PUDP: variants seen among roughly 807,000 people sequenced by gnomAD.
The protein encoded by PUDP is pseudouridine-5'-phosphatase.
In PUDP, 8 loss-of-function variants were observed where a neutral mutation model predicts 9.4. The ratio of observed to expected loss-of-function variants is 0.85; its 90% confidence interval spans 0.50 to 1.53. PUDP has a LOEUF of 1.53. PUDP is among the 40% of genes most tolerant of loss of function. The probability of loss-of-function intolerance (pLI) is 0.00; values close to 1 mark genes in which losing one functional copy is unlikely to be tolerated. For missense variants in PUDP, 188 were observed against 189.7 expected (o/e 0.99, Z 0.05); for synonymous variants, 99 against 80.7 (o/e 1.23, Z -1.22).
intron 3 of PUDP, among the ~76,000 whole-genome samples, chrX:6,749,756 T>G (rs1925043518): frequency 8.9e-6 from 1 of 112,032 alleles, no homozygotes. Flanking sequence ...AAAATCAGTC[T>G]CCTGCAACCT....
chrX:7,104,694 A>T (rs1329926522), intron 2 of PUDP, among the ~76,000 whole-genome samples: 1 of 111,780 alleles, frequency 8.9e-6, no homozygotes, highest in African/African-American at 3.3e-5. Flanking sequence ...GCTCGTACCC[A>T]TGCCTGAGAT....
At chrX:6,787,754 A>G (rs1192216851) in intron 3 of PUDP, among the ~76,000 whole-genome samples, 1 of 112,099 alleles carries the variant, frequency 8.9e-6, no homozygotes, top group East Asian at 2.8e-4. Context: ...TGACTTTTAT[A>G]CTTGAACTTA....
intron 1 of PUDP, among the ~76,000 whole-genome samples, chrX:6,715,046 A>T (rs1924584521): frequency 9.1e-6 from 1 of 110,272 alleles, no homozygotes; most frequent in Admixed American, 9.8e-5. Context: ...ACATCCTTAT[A>T]AATCAAAATG....
intron 1 of PUDP, among the ~76,000 whole-genome samples, chrX:6,982,983 T>C (rs777506484): frequency 1.3e-4 from 15 of 112,118 alleles, no homozygotes; most frequent in African/African-American, 4.9e-4. Context: ...ATCCATACAA[T>C]GGAATATGAT....
intron 3 of PUDP, among the ~76,000 whole-genome samples, chrX:6,945,223 G>A (rs1167706480): frequency 1.8e-5 from 2 of 111,030 alleles, no homozygotes; most frequent in African/African-American, 6.6e-5. Flanking sequence ...ACCCTAGTTC[G>A]GTTTGATGTC....
intron 3 of PUDP, among the ~76,000 whole-genome samples, chrX:6,892,707 T>A (rs770251264): frequency 9.0e-6 from 1 of 111,257 alleles, no homozygotes; most frequent in East Asian, 2.8e-4. Context: ...ATAGGGCCTA[T>A]GAGAAAGTGA....
At chrX:7,133,308 C>G (rs1440084838) in intron 1 of PUDP, among the ~76,000 whole-genome samples, 3 of 111,638 alleles carry the variant, frequency 2.7e-5, no homozygotes, top group Non-Finnish European at 3.8e-5. Context: ...AGAGCAGAAG[C>G]ATGTGCCGAA....
chrX:6,977,041 C>T (rs1390180888), intron 3 of PUDP, among the ~76,000 whole-genome samples: 1 of 112,380 alleles, frequency 8.9e-6, no homozygotes. Flanking sequence ...TCCTAGGCAA[C>T]AGAAAATTGC....
intron 3 of PUDP, among the ~76,000 whole-genome samples, chrX:6,736,060 GA>G (rs1228099027): frequency 9.4e-6 from 1 of 106,002 alleles, no homozygotes; most frequent in Non-Finnish European, 1.9e-5. Context: ...GCAAGAAAAG[GA>G]AAAAAAATCT....
At chrX:6,980,418 G>A (rs777928770) in intron 1 of PUDP, among the ~76,000 whole-genome samples, 1 of 110,771 alleles carries the variant, frequency 9.0e-6, no homozygotes, top group Non-Finnish European at 1.9e-5. Context: ...CTCTGTTGCC[G>A]AGGGTGGTCT....
chrX:6,873,080 C>T (rs1927200175), intron 3 of PUDP, among the ~76,000 whole-genome samples: 1 of 111,739 alleles, frequency 8.9e-6, no homozygotes, highest in Admixed American at 9.5e-5. Flanking sequence ...AGAAATCCCT[C>T]CATGTGCCTC....
intron 3 of PUDP, among the ~76,000 whole-genome samples, chrX:6,885,928 G>A (rs1927415013): frequency 8.9e-6 from 1 of 112,363 alleles, no homozygotes; most frequent in Non-Finnish European, 1.9e-5. Flanking sequence ...AAGAATGTAT[G>A]GAGTGGCTTT....
At chrX:7,083,309 A>T (rs1434131056) in intron 2 of PUDP, among the ~76,000 whole-genome samples, 1 of 112,337 alleles carries the variant, frequency 8.9e-6, no homozygotes, top group African/African-American at 3.2e-5. Flanking sequence ...GGCAGAAGAC[A>T]GGAATCTGCC....
chrX:6,842,661 A>G (rs1963665883), intron 3 of PUDP, among the ~76,000 whole-genome samples: 1 of 112,811 alleles, frequency 8.9e-6, no homozygotes, highest in Admixed American at 9.4e-5. Flanking sequence ...TATTTGAACT[A>G]TTACATATAT....
intron 1 of PUDP, among the ~76,000 whole-genome samples, chrX:7,019,134 C>T (rs1285272270): frequency 9.0e-6 from 1 of 111,140 alleles, no homozygotes; most frequent in Non-Finnish European, 1.9e-5. Context: ...ATGCCCTACT[C>T]TGTCTATGGA....
intron 3 of PUDP, among the ~76,000 whole-genome samples, chrX:6,741,765 T>G (rs1012471215): frequency 9.0e-6 from 1 of 111,441 alleles, no homozygotes; most frequent in Non-Finnish European, 1.9e-5. Flanking sequence ...CTCCTCAAAG[T>G]AGAATACTAC....
At chrX:6,964,161 G>A (rs945921392) in intron 3 of PUDP, among the ~76,000 whole-genome samples, 5 of 112,223 alleles carry the variant, frequency 4.5e-5, no homozygotes, top group Non-Finnish European at 9.4e-5. Flanking sequence ...CAAATAGCAA[G>A]TTATTTTCAA....
At chrX:7,128,941 A>C (rs1194951256) in intron 1 of PUDP, among the ~76,000 whole-genome samples, 1 of 111,641 alleles carries the variant, frequency 9.0e-6, no homozygotes, top group Non-Finnish European at 1.9e-5. Flanking sequence ...TCTCCAGCCC[A>C]AACCCCCACG....
At chrX:6,759,730 C>G (rs1434424248) in intron 3 of PUDP, among the ~76,000 whole-genome samples, 1 of 111,930 alleles carries the variant, frequency 8.9e-6, no homozygotes, top group Admixed American at 9.5e-5. Context: ...TCCTTTGCCT[C>G]AGGACGTGTT....
Sources: gnomAD v4.1 joint callset for allele counts (sites outside exome capture counted in the v4.1 genomes callset) on GRCh38, gnomAD v4.1.1 for gene constraint, MANE v1.5 for transcripts, NCBI Gene and HGNC (gene_info 2026-07-23, HGNC 2026-07-21) for gene names.